Variants in MYO3B observed in about 807,000 individuals in gnomAD.
The protein encoded by MYO3B is myosin-IIIb.
Under a neutral mutation model 174.6 loss-of-function variants are expected in MYO3B, and 156 were observed. That is an observed-to-expected ratio of 0.89 (90% CI 0.78 to 1.02). MYO3B has a LOEUF of 1.02. Among genes scored for constraint, MYO3B ranks in the 50% least tolerant of loss-of-function variants. The pLI, the probability that MYO3B is intolerant of heterozygous loss-of-function variation, is 0.00. For missense variants in MYO3B, 1,632 were observed against 1,639.4 expected (o/e 1.00, Z 0.08); for synonymous variants, 563 against 569.1 (o/e 0.99, Z 0.15).
At chr2:170,634,580 C>G (rs1697300926) in intron 32 of MYO3B, among the ~76,000 whole-genome samples, 1 of 152,214 alleles carries the variant, frequency 6.6e-6, no homozygotes, top group Admixed American at 6.5e-5. Flanking sequence ...ATGACTAAAA[C>G]AGCAAAAGCA....
chr2:170,521,682 C>T (rs1688677309), intron 30 of MYO3B, among the ~76,000 whole-genome samples: 1 of 152,150 alleles, frequency 6.6e-6, no homozygotes, highest in African/African-American at 2.4e-5. Flanking sequence ...ATCTTTTACA[C>T]TCTGCTATCA....
At chr2:170,304,412 A>G (rs1442422561) in intron 7 of MYO3B, among the ~76,000 whole-genome samples, 1 of 150,438 alleles carries the variant, frequency 6.6e-6, no homozygotes, top group African/African-American at 2.4e-5. Context: ...TGTACACTTC[A>G]TCTAAGTGAA....
At chr2:170,371,264 T>C (rs2094242895) in intron 9 of MYO3B, among the ~76,000 whole-genome samples, 1 of 134,882 alleles carries the variant, frequency 7.4e-6, no homozygotes, top group Non-Finnish European at 1.6e-5. Context: ...TCTTTTACCA[T>C]AGAAAATTGT....
At chr2:170,212,798 T>A (rs904020149) in intron 3 of MYO3B, among the ~76,000 whole-genome samples, 3 of 152,198 alleles carry the variant, frequency 2.0e-5, no homozygotes, top group Admixed American at 2.0e-4. Context: ...CCAGTGCTCG[T>A]GTCTGGCTCC....
At chr2:170,565,903 A>G (rs1018603871) in intron 32 of MYO3B, among the ~76,000 whole-genome samples, 4 of 152,180 alleles carry the variant, frequency 2.6e-5, no homozygotes, top group Non-Finnish European at 4.4e-5. Context: ...TGCATAGTCT[A>G]TGGAGATGGT....
intron 25 of MYO3B, among the ~76,000 whole-genome samples, chr2:170,496,596 A>C (rs1686863045): frequency 6.7e-6 from 1 of 148,426 alleles, no homozygotes; most frequent in Non-Finnish European, 1.5e-5. Flanking sequence ...AAAGTTATAT[A>C]TAATATATAT....
chr2:170,228,396 A>C (rs2092975764), intron 6 of MYO3B, among the ~76,000 whole-genome samples: 1 of 152,216 alleles, frequency 6.6e-6, no homozygotes, highest in Non-Finnish European at 1.5e-5. Context: ...CTGTATGAGG[A>C]AGCTCTGGAA....
chr2:170,355,198 G>A (rs1263132424), intron 8 of MYO3B, among the ~76,000 whole-genome samples: 1 of 152,190 alleles, frequency 6.6e-6, no homozygotes, highest in Non-Finnish European at 1.5e-5. Flanking sequence ...AACCAAGACA[G>A]CCAATAACTG....
At chr2:170,324,912 C>T (rs748570450) in intron 7 of MYO3B, among the ~76,000 whole-genome samples, 3 of 152,156 alleles carry the variant, frequency 2.0e-5, no homozygotes, top group Non-Finnish European at 4.4e-5. Context: ...CTGGTGGCTT[C>T]TCAATGAATT....
intron 22 of MYO3B, among the ~76,000 whole-genome samples, chr2:170,443,642 T>G (rs917267256): frequency 6.6e-6 from 1 of 152,112 alleles, no homozygotes; most frequent in African/African-American, 2.4e-5. Context: ...ATTTAAATCT[T>G]TAATCCATCT....
rs535611436 is a variant in MYO3B, at chr2:170,540,362, T to C, written c.3576-2544T>C. 3.9e-5 allele frequency among the ~76,000 whole-genome samples: 6 copies of C among 152,266 alleles called. No individual in the cohort carries two copies. The East Asian group carries it at 1.2e-3, about 29-fold the overall frequency. ...CCAATCCACATGGCTGTCAGCAGTATGTAACATGCTTTGCCTGGTGCCTGG... is the reference window on the plus strand; with the variant it reads ...CCAATCCACATGGCTGTCAGCAGTACGTAACATGCTTTGCCTGGTGCCTGG... On this transcript the variant is annotated intron_variant, in intron 30 of 34. Coordinates refer to ENST00000408978, the MANE Select transcript of MYO3B (RefSeq NM_138995.5).
chr2:170,277,607 A>G (rs2093472715), intron 7 of MYO3B, among the ~76,000 whole-genome samples: 1 of 152,120 alleles, frequency 6.6e-6, no homozygotes, highest in Non-Finnish European at 1.5e-5. Flanking sequence ...TTAGGAAACC[A>G]TTTCTTTTAG....
At chr2:170,651,528 G>A (rs1699008963) in intron 32 of MYO3B, 100 bp from the exon 33 acceptor site, 2 of 874,518 alleles carry the variant, frequency 2.3e-6, no homozygotes, top group South Asian at 2.9e-5. Flanking sequence ...ATTAAAATAG[G>A]ACACAGTTTC....
At chr2:170,386,040 A>G (rs1267693590) in intron 12 of MYO3B, 149 bp from the exon 13 acceptor site, 1 of 589,174 alleles carries the variant, frequency 1.7e-6, no homozygotes, top group South Asian at 2.2e-5. Flanking sequence ...CAAAAGGTTG[A>G]AGAAGGTCTC....
chr2:170,561,811 G>A (rs908284159), intron 32 of MYO3B, among the ~76,000 whole-genome samples: 2 of 151,970 alleles, frequency 1.3e-5, no homozygotes, highest in Admixed American at 1.3e-4. Flanking sequence ...AGAAAATTTT[G>A]TGCTATGATT....
chr2:170,516,402 G>T (rs1404160410), intron 29 of MYO3B, among the ~76,000 whole-genome samples: 2 of 151,998 alleles, frequency 1.3e-5, no homozygotes, highest in African/African-American at 2.4e-5. Context: ...AGCACTTTGG[G>T]AGGCCGAGAT....
intron 30 of MYO3B, among the ~76,000 whole-genome samples, chr2:170,535,917 C>T (rs1197088693): frequency 6.6e-6 from 1 of 152,202 alleles, no homozygotes; most frequent in African/African-American, 2.4e-5. Flanking sequence ...CTTGTTTTAT[C>T]CCTGAACTTT....
chr2:170,500,087 ACTTT>A (rs1424084059), intron 27 of MYO3B, among the ~76,000 whole-genome samples: 1 of 152,186 alleles, frequency 6.6e-6, no homozygotes, highest in East Asian at 1.9e-4. Context: ...GGTGAAAGAA[ACTTT>A]CTTTCCGTGT....
chr2:170,605,585 C>T (rs544355065), intron 32 of MYO3B, among the ~76,000 whole-genome samples: 10 of 152,140 alleles, frequency 6.6e-5, no homozygotes, highest in Admixed American at 1.3e-4. Context: ...TGGCCGGGCA[C>T]GGTGGCTCAC....
Sources: gnomAD v4.1 joint callset for allele counts (sites outside exome capture counted in the v4.1 genomes callset) on GRCh38, gnomAD v4.1.1 for gene constraint, MANE v1.5 for transcripts, NCBI Gene and HGNC (gene_info 2026-07-23, HGNC 2026-07-21) for gene names.